Variants in CRPPA observed in about 807,000 individuals in gnomAD.
The protein encoded by CRPPA is D-ribitol-5-phosphate cytidylyltransferase.
CRPPA carries 43 observed loss-of-function variants against 52.0 expected under a neutral mutation model. The ratio of observed to expected loss-of-function variants is 0.83; its 90% confidence interval spans 0.65 to 1.07. CRPPA has a LOEUF of 1.07. Among genes scored for constraint, CRPPA ranks in the 50% least tolerant of loss-of-function variants. CRPPA has a pLI of 0.00. For synonymous variants in CRPPA, 250 were observed against 203.5 expected (o/e 1.23, Z -1.94); for missense variants, 629 against 551.7 (o/e 1.14, Z -1.40).
At chr7:16,368,549 T>C (rs1373142892) in intron 3 of CRPPA, among the ~76,000 whole-genome samples, 1 of 152,218 alleles carries the variant, frequency 6.6e-6, no homozygotes, top group African/African-American at 2.4e-5. Context: ...ACAAGTGCCA[T>C]CAACCTTTCT....
At chr7:16,254,829 G>GAACGAAAGAAAGAAAT (rs1783584343) in intron 8 of CRPPA, among the ~76,000 whole-genome samples, 2 of 147,434 alleles carry the variant, frequency 1.4e-5, no homozygotes, top group African/African-American at 4.9e-5. Flanking sequence ...AAGAAAGAAA[G>GAACGAAAGAAAGAAAT]AAAGAAAGAA....
chr7:16,281,798 GTC>G (rs1784327012), intron 5 of CRPPA, among the ~76,000 whole-genome samples: 1 of 152,098 alleles, frequency 6.6e-6, no homozygotes, highest in South Asian at 2.1e-4. Flanking sequence ...TCTATTTTCT[GTC>G]TCAGGTTAGT....
At chr7:16,197,272 T>C (rs1358989826) in intron 9 of CRPPA, among the ~76,000 whole-genome samples, 1 of 152,204 alleles carries the variant, frequency 6.6e-6, no homozygotes, top group Non-Finnish European at 1.5e-5. Flanking sequence ...ACCACGTGAA[T>C]ACACTTTCTC....
chr7:16,114,548 C>T (rs1782330222), intron 9 of CRPPA, among the ~76,000 whole-genome samples: 1 of 152,116 alleles, frequency 6.6e-6, no homozygotes, highest in East Asian at 1.9e-4. Flanking sequence ...GTAATTCTGA[C>T]TTAAATGTGA....
At chr7:16,351,785 A>C (rs4602788) in intron 3 of CRPPA, among the ~76,000 whole-genome samples, 24,525 of 152,194 alleles carry the variant, frequency 0.16, 2,552 homozygotes, top group South Asian at 0.42. Flanking sequence ...GAGGATGTGG[A>C]GAAAGAAGAA....
At chr7:16,174,558 CTT>C (rs911896712) in intron 9 of CRPPA, among the ~76,000 whole-genome samples, 3 of 152,078 alleles carry the variant, frequency 2.0e-5, no homozygotes, top group Non-Finnish European at 4.4e-5. Flanking sequence ...AGTCGCTGGT[CTT>C]TTAAGCATAT....
chr7:16,236,949 C>T (rs979725582), intron 8 of CRPPA, among the ~76,000 whole-genome samples: 10 of 64,250 alleles, frequency 1.6e-4, no homozygotes, highest in Admixed American at 4.5e-4. Flanking sequence ...TTCGTGCGCG[C>T]GCACACACAC....
At chr7:16,216,316 C>G (rs1293787700) in intron 8 of CRPPA, 119 bp from the exon 9 acceptor site, 2 of 618,578 alleles carry the variant, frequency 3.2e-6, no homozygotes, top group Non-Finnish European at 5.4e-6. Context: ...TCTTTATTAA[C>G]TTTTGTTAAT....
At chr7:16,176,190 A>G (rs1010213005) in intron 9 of CRPPA, among the ~76,000 whole-genome samples, 11 of 152,168 alleles carry the variant, frequency 7.2e-5, no homozygotes, top group African/African-American at 2.4e-4. Flanking sequence ...GGTTCCAACT[A>G]TCTTCTTCAG....
At chr7:16,186,949 C>T (rs1420857047) in intron 9 of CRPPA, among the ~76,000 whole-genome samples, 6 of 152,154 alleles carry the variant, frequency 3.9e-5, no homozygotes, top group Admixed American at 3.9e-4. Flanking sequence ...CTAAGATTAA[C>T]ATTCACATTT....
chr7:16,092,821 C>T (rs1216187549), intron 9 of CRPPA, among the ~76,000 whole-genome samples: 1 of 152,170 alleles, frequency 6.6e-6, no homozygotes, highest in Non-Finnish European at 1.5e-5. Flanking sequence ...CTCTCGGCCT[C>T]TTCTTGATAT....
chr7:16,333,941 G>A (rs1285887948), intron 3 of CRPPA, among the ~76,000 whole-genome samples: 1 of 152,156 alleles, frequency 6.6e-6, no homozygotes, highest in African/African-American at 2.4e-5. Flanking sequence ...TTGGAAAAAT[G>A]AGTTGGTGGC....
chr7:16,305,493 G>C (rs1247254866), intron 4 of CRPPA, among the ~76,000 whole-genome samples: 2 of 152,172 alleles, frequency 1.3e-5, no homozygotes, highest in African/African-American at 2.4e-5. Flanking sequence ...CTGATTTCTA[G>C]TGGGGGGATC....
At chr7:16,200,364 T>C (rs956344973) in intron 9 of CRPPA, among the ~76,000 whole-genome samples, 1 of 152,212 alleles carries the variant, frequency 6.6e-6, no homozygotes, top group Non-Finnish European at 1.5e-5. Flanking sequence ...ACTACAAACC[T>C]CAAATCTATA....
intron 6 of CRPPA, chr7:16,270,291 G>C (rs972205446): frequency 6.6e-6 from 1 of 151,812 alleles, no homozygotes; most frequent in Non-Finnish European, 1.5e-5. Context: ...GTTCCTTTAG[G>C]AAGAGTAATA....
intron 3 of CRPPA, among the ~76,000 whole-genome samples, chr7:16,334,182 T>G (rs1194017322): frequency 6.6e-6 from 1 of 152,168 alleles, no homozygotes; most frequent in African/African-American, 2.4e-5. Context: ...CCATGGGTCT[T>G]CCCATCTGAA....
chr7:16,399,844 G>T (rs1025422463), intron 2 of CRPPA, among the ~76,000 whole-genome samples: 2 of 152,032 alleles, frequency 1.3e-5, no homozygotes, highest in Non-Finnish European at 2.9e-5. Flanking sequence ...TGTGGCACAT[G>T]ACAGACACCT....
At chr7:16,280,841 G>A (rs1398369682) in intron 5 of CRPPA, among the ~76,000 whole-genome samples, 5 of 152,114 alleles carry the variant, frequency 3.3e-5, no homozygotes, top group African/African-American at 9.7e-5. Flanking sequence ...GCAACATGGT[G>A]AAACCCCATC....
chr7:16,121,165 C>A (rs1319159374), intron 9 of CRPPA, among the ~76,000 whole-genome samples: 2 of 151,990 alleles, frequency 1.3e-5, no homozygotes, highest in African/African-American at 2.4e-5. Context: ...TCTAGAGAGT[C>A]CGACCACTTC....
Sources: gnomAD v4.1 joint callset for allele counts (sites outside exome capture counted in the v4.1 genomes callset) on GRCh38, gnomAD v4.1.1 for gene constraint, MANE v1.5 for transcripts, NCBI Gene and HGNC (gene_info 2026-07-23, HGNC 2026-07-21) for gene names.